Variants in ENTPD3 observed in about 807,000 individuals in gnomAD.
The protein encoded by ENTPD3 is ectonucleoside triphosphate diphosphohydrolase 3.
A neutral mutation model predicts 51.2 loss-of-function variants in ENTPD3; 60 were observed. The ratio of observed to expected loss-of-function variants is 1.17; its 90% CI spans 0.95 to 1.45. ENTPD3 has a LOEUF of 1.45. Among genes scored for constraint, ENTPD3 ranks in the 40% most tolerant of loss-of-function variants. The pLI is 0.00. For synonymous variants in ENTPD3, 221 were observed against 238.4 expected, an observed-to-expected ratio of 0.93 and a Z score of 0.67; for missense variants, 593 against 641.1, an observed-to-expected ratio of 0.93 and a Z score of 0.81.
chr3:40,397,119 C>CTTTTTTTTTTTTTTTT (rs3064608), intron 3 of ENTPD3, among the ~76,000 whole-genome samples: 6 of 101,298 alleles, frequency 5.9e-5, no homozygotes, highest in African/African-American at 7.4e-5. Context: ...TAATTAGTTT[C>CTTTTTTTTTTTTTTTT]TTTTTTTTTT....
rs75633564 is a variant in ENTPD3 at position 40,414,629 on chromosome 3, T to A, written c.438-52T>A. The A allele has an allele frequency of 4.3e-3, 6,917 of 1,597,952 alleles. 28 individuals carry two copies. Among genetic ancestry groups the A allele is most frequent in the African/African-American group, 0.015 (1,117 of 74,564 alleles). ...TTCACCTGAGTGAGACTATGTATTT[T>A]AAGACTGTATTGTCTGGGCACTCAG... is the stretch of plus-strand genomic sequence containing the variant. On this transcript the variant is annotated intron_variant, in intron 5 of 10. Coordinates refer to ENST00000301825, the MANE Select transcript of ENTPD3 (RefSeq NM_001248.4).
At chr3:40,423,184 G>C in intron 8 of ENTPD3, 62 bp downstream of exon 8, 1 of 1,578,438 alleles carries the variant, frequency 6.3e-7, no homozygotes, top group Admixed American at 1.8e-5. Flanking sequence ...TCACTTTTCT[G>C]TTTCTCCTCT....
intron 7 of ENTPD3, among the ~76,000 whole-genome samples, chr3:40,421,367 G>C (rs887716578): frequency 5.9e-5 from 9 of 152,246 alleles, no homozygotes; most frequent in Admixed American, 3.3e-4. Context: ...TGCCTTAGTG[G>C]CTTAAGTTGA....
In ENTPD3 at chr3:40,427,562, C is replaced by A; in HGVS notation, c.*54C>A. The A allele has an allele frequency of 7.2e-7, 1 of 1,382,042 alleles. No homozygotes were observed. The highest frequency in any genetic ancestry group is 1.0e-6 in the Non-Finnish European group (1 of 972,386). 85.6% of individuals were successfully genotyped at this position (1,382,042 alleles called of 1,614,324 possible). ...GGCTGCTTAGAGTCAGCCTGGGTGGCACCAGGCAATGCAGGTGAAGTGGCT... is the reference window on the plus strand; with the variant it reads ...GGCTGCTTAGAGTCAGCCTGGGTGGAACCAGGCAATGCAGGTGAAGTGGCT... On this transcript the variant is annotated 3_prime_UTR_variant, in exon 11 of 11. Coordinates refer to ENST00000301825, the MANE Select transcript of ENTPD3 (RefSeq NM_001248.4).
Position 40,417,956 on chromosome 3 carries a change from TTCTG to T in ENTPD3, c.831+1892_831+1895del, listed in dbSNP as rs767267049. Among the ~76,000 whole-genome samples the T allele has an allele frequency of 5.5e-4, 83 of 152,264 alleles. 3 individuals are homozygous for T. Among genetic ancestry groups the T allele is most frequent in the Non-Finnish European group, 9.9e-4 (67 of 68,020 alleles). On this transcript the variant is annotated intron_variant, in intron 7 of 10. Coordinates refer to ENST00000301825, the MANE Select transcript of ENTPD3 (RefSeq NM_001248.4). Reference sequence around the variant, plus strand: ...GGCTGGCCCTATGGAATGTGTGTGTTTCTGTCTGTCTGCGTGCCTCTGTGTGTTT... The same window carrying T: ...GGCTGGCCCTATGGAATGTGTGTGTTTCTGTCTGCGTGCCTCTGTGTGTTT...
chr3:40,411,478 T>A (rs1319473062), intron 4 of ENTPD3, among the ~76,000 whole-genome samples: 2 of 152,138 alleles, frequency 1.3e-5, no homozygotes, highest in African/African-American at 4.8e-5. Context: ...ATTGTATGGA[T>A]GAAATAAGAG....
rs538014077 is a variant in ENTPD3, at chr3:40,422,972, C to T, written c.954C>T (p.Asn318=). The stretch of plus-strand genomic sequence containing the variant: ...TGGACCAGAGGCCAGAAAGTTATAA[C>T]CCCAATGATGTCATCACTTTTGAAG... The part of the protein sequence containing the change: ...CTVDQRPESY[N]PNDVITFEGT... Residue 318 remains asparagine, a synonymous_variant, in exon 8 of 11, where the codon AAC becomes AAT. Transcript: ENST00000301825. 1.2e-6 allele frequency: 2 copies of T among 1,614,098 alleles called. No individual in the cohort carries two copies. The highest frequency in any genetic ancestry group is 1.7e-5 in the Admixed American group (1 of 60,018).
intron 7 of ENTPD3, among the ~76,000 whole-genome samples, chr3:40,418,589 CCTTTTT>C (rs1460059013): frequency 6.6e-6 from 1 of 152,068 alleles, no homozygotes; most frequent in Non-Finnish European, 1.5e-5. Flanking sequence ...TCTATCTTTC[CCTTTTT>C]AAGTAAGAAA....
At position 40,410,372 on chromosome 3, in the gene ENTPD3, C is replaced by CA. The variant is rs568333720; in HGVS notation, c.287-1439dup. On this transcript the variant is annotated intron_variant, in intron 4 of 10. Transcript: ENST00000301825. ...ACAAGAATCGCTTGAATCTGGCAGA[C>CA]AGAGGTTGTAGTGAGCCGAGATCAC... 1.5e-3 allele frequency among the ~76,000 whole-genome samples: 215 copies of CA among 145,416 alleles called. 1 individual carries two copies. The highest frequency in any genetic ancestry group is 5.3e-3 in the African/African-American group (209 of 39,334).
chr3:40,405,537 G>A (rs898715879), intron 4 of ENTPD3, among the ~76,000 whole-genome samples: 4 of 151,958 alleles, frequency 2.6e-5, no homozygotes, highest in Admixed American at 6.6e-5. Context: ...ATAGTTGGCC[G>A]GAGCTCAAGC....
intron 3 of ENTPD3, among the ~76,000 whole-genome samples, chr3:40,392,971 TCAA>T (rs1372979330): frequency 6.7e-6 from 1 of 148,752 alleles, no homozygotes; most frequent in Non-Finnish European, 1.5e-5. Context: ...AACACTTCCC[TCAA>T]CAACACCCCC....
chr3:40,404,947 C>T (rs1434970354), intron 4 of ENTPD3, among the ~76,000 whole-genome samples: 16 of 152,142 alleles, frequency 1.1e-4, no homozygotes, highest in African/African-American at 1.2e-4. Context: ...CCTTTGCTGG[C>T]GGTTTCTGTG....
rs922849769 is a variant in ENTPD3 at position 40,420,659 on chromosome 3, C to T, written c.832-2191C>T. Among the ~76,000 whole-genome samples the T allele has an allele frequency of 2.6e-5, 4 of 151,900 alleles. No homozygotes were observed. The East Asian group carries it at 7.7e-4, about 29-fold the overall frequency. ...TTCATACCATAGAGGCAGAAAGGGG[C>T]CTGTTTGCCTCCTTCTCAGTCATAT... On this transcript the variant is annotated intron_variant, in intron 7 of 10. Transcript: ENST00000301825.
intron 7 of ENTPD3, 90 bp downstream of exon 7, chr3:40,416,163 C>G: frequency 1.2e-6 from 1 of 863,662 alleles, no homozygotes; most frequent in African/African-American, 1.7e-5. Flanking sequence ...TCTGTCCTCT[C>G]CACTTCAATT....
At chr3:40,402,189 G>A (rs1955378784) in intron 4 of ENTPD3, among the ~76,000 whole-genome samples, 1 of 122,872 alleles carries the variant, frequency 8.1e-6, no homozygotes, top group South Asian at 2.8e-4. Flanking sequence ...CATAATCTTG[G>A]CTCACTGCAA....
intron 3 of ENTPD3, among the ~76,000 whole-genome samples, chr3:40,399,918 GCTT>G (rs1264760689): frequency 6.6e-6 from 1 of 152,008 alleles, no homozygotes; most frequent in Non-Finnish European, 1.5e-5. Context: ...TTTTTATTTT[GCTT>G]TTTTTCTCCT....
chr3:40,404,968 T>C (rs1955456806), intron 4 of ENTPD3, among the ~76,000 whole-genome samples: 1 of 152,196 alleles, frequency 6.6e-6, no homozygotes, highest in Non-Finnish European at 1.5e-5. Flanking sequence ...CTGGTGTCTG[T>C]ACCTCTGGCT....
intron 3 of ENTPD3, among the ~76,000 whole-genome samples, chr3:40,397,755 A>G (rs1407366277): frequency 1.3e-5 from 2 of 152,194 alleles, no homozygotes; most frequent in African/African-American, 4.8e-5. Flanking sequence ...CATTAATTGC[A>G]TTCACTGTTA....
rs540635302 is a variant in ENTPD3 at position 40,422,157 on chromosome 3, C to T, written c.832-693C>T. Among the ~76,000 whole-genome samples, 15 of 151,940 alleles carry T rather than the reference C, an allele frequency of 9.9e-5. 1 individual carries two copies. In the South Asian group the frequency reaches 3.1e-3, roughly 32 times the overall value. The stretch of plus-strand genomic sequence containing the variant: ...TGTCACACACACACACACACACACA[C>T]ACCCTTTTCCCACCCCTACTTGAAT... On this transcript the variant is annotated intron_variant, in intron 7 of 10. Coordinates refer to ENST00000301825, the MANE Select transcript of ENTPD3 (RefSeq NM_001248.4).
Sources: allele counts gnomAD v4.1 joint callset (sites outside exome capture counted in the v4.1 genomes callset), GRCh38; gene constraint gnomAD v4.1.1; transcripts MANE v1.5; gene names NCBI Gene and HGNC (gene_info 2026-07-23, HGNC 2026-07-21).